PCDH15: variants seen among roughly 807,000 people sequenced by gnomAD.
The protein encoded by PCDH15 is protocadherin-15.
PCDH15 carries 129 observed loss-of-function variants against 178.5 expected under a neutral mutation model. The observed-to-expected ratio is 0.72, with a 90% CI of 0.63 to 0.84. PCDH15 has a LOEUF of 0.84. Ranked by LOEUF, PCDH15 falls within the 40% of genes least tolerant of loss-of-function variation. The probability of loss-of-function intolerance (pLI) is 0.00; values close to 1 mark genes in which losing one functional copy is unlikely to be tolerated. For synonymous variants in PCDH15, 800 were observed against 732.0 expected (o/e 1.09, Z -1.50); for missense variants, 2,230 against 2,099.9 (o/e 1.06, Z -1.21).
At chr10:54,173,049 G>A (rs947359995) in intron 13 of PCDH15, among the ~76,000 whole-genome samples, 19 of 152,260 alleles carry the variant, frequency 1.2e-4, no homozygotes, top group African/African-American at 4.6e-4. Context: ...AAGGAATTGT[G>A]ATTACTATAA....
chr10:55,048,600 T>G, intron 2 of PCDH15, among the ~76,000 whole-genome samples: 1 of 152,070 alleles, frequency 6.6e-6, no homozygotes, highest in Admixed American at 6.5e-5. Flanking sequence ...GCATGGCCAT[T>G]TTTAACCCAA....
chr10:53,822,469 TAGGAGGAGGAGGGGGA>T (rs769167050), intron 32 of PCDH15: 2 of 1,599,170 alleles, frequency 1.3e-6, no homozygotes, highest in Non-Finnish European at 1.7e-6. Context: ...GGAGGAGAAA[TAGGAGGAGGAGGGGGA>T]AGGGGACAGG....
At position 54,515,082 on chromosome 10, in the gene PCDH15, C is replaced by T. The variant is rs537824245; in HGVS notation, c.157+12730G>A. Among the ~76,000 whole-genome samples, 25 of 152,328 alleles carry T rather than the reference C, an allele frequency of 1.6e-4. No homozygotes were observed. The South Asian group carries it at 4.3e-3, about 27-fold the overall frequency. ...AGACAGGTGATTTCTGCATTTCCATCTGAGGTACCGGGTTCATCTCACTAG... is the reference window on the plus strand; with the variant it reads ...AGACAGGTGATTTCTGCATTTCCATTTGAGGTACCGGGTTCATCTCACTAG... On this transcript the variant is annotated intron_variant, in intron 3 of 37. Transcript: ENST00000644397.
At chr10:53,850,191 T>A (rs530401671) in intron 28 of PCDH15, among the ~76,000 whole-genome samples, 1 of 152,232 alleles carries the variant, frequency 6.6e-6, no homozygotes, top group East Asian at 1.9e-4. Context: ...ATTATTTCAA[T>A]ACTAAAGTTT....
chr10:54,055,894 C>A (rs2093876066), intron 18 of PCDH15, among the ~76,000 whole-genome samples: 1 of 152,204 alleles, frequency 6.6e-6, no homozygotes, highest in African/African-American at 2.4e-5. Flanking sequence ...ATTCACAGAA[C>A]ATTAGTTGAG....
At chr10:54,745,325 A>G (rs1310254431) in intron 1 of PCDH15, among the ~76,000 whole-genome samples, 1 of 139,628 alleles carries the variant, frequency 7.2e-6, no homozygotes, top group Non-Finnish European at 1.6e-5. Context: ...AGGAAAAACT[A>G]TTCAAAGAAA....
At chr10:54,954,424 C>T (rs1838427902) in intron 2 of PCDH15, among the ~76,000 whole-genome samples, 1 of 151,202 alleles carries the variant, frequency 6.6e-6, no homozygotes, top group African/African-American at 2.4e-5. Flanking sequence ...CATTATCCTA[C>T]ATGTAATTTT....
At chr10:55,429,362 C>T (rs990174441) in intron 2 of PCDH15, among the ~76,000 whole-genome samples, 3 of 152,050 alleles carry the variant, frequency 2.0e-5, no homozygotes, top group Admixed American at 6.6e-5. Context: ...ACTAGTAATA[C>T]AGGTTTAGGC....
chr10:55,485,896 A>C (rs538445314), intron 2 of PCDH15, among the ~76,000 whole-genome samples: 1 of 151,686 alleles, frequency 6.6e-6, no homozygotes, highest in Non-Finnish European at 1.5e-5. Flanking sequence ...TTCGATAACC[A>C]TAGTCAGTCA....
rs143797963 is a variant in PCDH15 at position 54,823,382 on chromosome 10, T to C, written c.-29+74068A>G. 2.6e-3 allele frequency among the ~76,000 whole-genome samples: 397 copies of C among 152,274 alleles called. 1 individual carries two copies. Among genetic ancestry groups the C allele is most frequent in the Non-Finnish European group, 4.8e-3 (326 of 68,038 alleles). ...CTCCAAGAGATAACATTACCATTAT[T>C]ATTCTACAGCAAGAAAGACTTACAG... On this transcript the variant is annotated intron_variant, in intron 3 of 5. Transcript: ENST00000458638.
At chr10:54,448,292 T>G (rs1351109764) in intron 3 of PCDH15, among the ~76,000 whole-genome samples, 2 of 151,746 alleles carry the variant, frequency 1.3e-5, no homozygotes, top group African/African-American at 4.8e-5. Flanking sequence ...CATCAGGAGC[T>G]GTGACATGCC....
At chr10:54,779,488 G>GTGTGTGTATA (rs147450863) in intron 1 of PCDH15, among the ~76,000 whole-genome samples, 2 of 53,290 alleles carry the variant, frequency 3.8e-5, no homozygotes, top group South Asian at 8.2e-4. Context: ...ACATATATAT[G>GTGTGTGTATA]TATATATATA....
intron 2 of PCDH15, among the ~76,000 whole-genome samples, chr10:55,032,628 C>T (rs1193251666): frequency 1.3e-5 from 2 of 152,096 alleles, no homozygotes; most frequent in East Asian, 1.9e-4. Context: ...GCCACATAAA[C>T]AATGAAAATA....
At chr10:54,092,164 T>C (rs115179361) in intron 15 of PCDH15, among the ~76,000 whole-genome samples, 1,638 of 152,258 alleles carry the variant, frequency 0.011, 28 homozygotes, top group African/African-American at 0.038. Flanking sequence ...TCAGGGCTCA[T>C]AGCTACACTT....
At chr10:55,313,077 G>A (rs1257637451) in intron 1 of PCDH15, among the ~76,000 whole-genome samples, 1 of 152,024 alleles carries the variant, frequency 6.6e-6, no homozygotes, top group East Asian at 1.9e-4. Flanking sequence ...ATGTACTTAG[G>A]AGTTCCTGTC....
intron 15 of PCDH15, among the ~76,000 whole-genome samples, chr10:54,129,332 C>T (rs973334392): frequency 2.6e-5 from 4 of 152,048 alleles, no homozygotes; most frequent in Non-Finnish European, 5.9e-5. Context: ...ATTAAGATAA[C>T]TTGTTGAACA....
At chr10:55,152,997 G>A (rs2589434) in intron 2 of PCDH15, among the ~76,000 whole-genome samples, 136,955 of 151,702 alleles carry the variant, frequency 0.9, 62,486 homozygotes, top group Non-Finnish European at 0.97. Flanking sequence ...TGTTTAGAAA[G>A]CCATAACTAA....
At chr10:54,873,692 A>ATT (rs200983157) in intron 3 of PCDH15, among the ~76,000 whole-genome samples, 52,914 of 117,404 alleles carry the variant, frequency 0.45, 10,863 homozygotes, top group Non-Finnish European at 0.53. Flanking sequence ...AAACTGCTGT[A>ATT]TTTTATATAT....
chr10:54,721,759 G>GA (rs1305618400), intron 1 of PCDH15, among the ~76,000 whole-genome samples: 1 of 151,750 alleles, frequency 6.6e-6, no homozygotes, highest in Non-Finnish European at 1.5e-5. Context: ...TCCAAGAACA[G>GA]AAAGATTCAA....
Sources: allele counts gnomAD v4.1 joint callset (sites outside exome capture counted in the v4.1 genomes callset), GRCh38; gene constraint gnomAD v4.1.1; transcripts MANE v1.5; gene names NCBI Gene and HGNC (gene_info 2026-07-23, HGNC 2026-07-21).